The following ABCC9 variants were observed in gnomAD, a reference collection of about 807,000 sequenced individuals.
The protein encoded by ABCC9 is ATP binding cassette subfamily C member 9, also known as ATP-binding cassette sub-family C member 9.
A neutral mutation model predicts 188.3 loss-of-function variants in ABCC9; 95 were observed. The ratio of observed to expected loss-of-function variants is 0.50; its 90% confidence interval spans 0.43 to 0.60. ABCC9 has a LOEUF of 0.60. Among genes scored for constraint, ABCC9 ranks in the 20% least tolerant of loss-of-function variants. The pLI, the probability that ABCC9 is intolerant of heterozygous loss-of-function variation, is 0.00. For missense variants in ABCC9, 1,102 were observed against 1,876.3 expected (o/e 0.59, Z 7.62); for synonymous variants, 659 against 652.7 (o/e 1.01, Z -0.15).
chr12:21,915,215 TTA>T (rs557990317), intron 7 of ABCC9, among the ~76,000 whole-genome samples: 2,702 of 134,640 alleles, frequency 0.02, 95 homozygotes, highest in African/African-American at 0.073. Flanking sequence ...CTTTGTGTCT[TTA>T]TATATATATG....
chr12:21,870,222 T>C (rs950034459), intron 18 of ABCC9, among the ~76,000 whole-genome samples: 1 of 152,140 alleles, frequency 6.6e-6, no homozygotes, highest in African/African-American at 2.4e-5. Flanking sequence ...TTTTATTGAC[T>C]TTTTATAAGG....
intron 12 of ABCC9, among the ~76,000 whole-genome samples, chr12:21,896,098 T>A (rs1226891558): frequency 3.0e-4 from 10 of 33,680 alleles, no homozygotes; most frequent in South Asian, 9.9e-4. Context: ...TTTTTTTTTT[T>A]ACTTTTCTTT....
At position 21,895,280 on chromosome 12, in the gene ABCC9, GA is replaced by G; in HGVS notation, c.1653del (p.Ala553LeufsTer4). Reference protein sequence around the residue: ...FMNAAIPIAAVLATFVTHAYA... With the variant: ...FMNAAIPIAAXLATFVTHAYA... ...AGAGAGAAAAAGTGTCTTACAGCAA[GA>G]ACAGCTGCTATGGGAATTGCTGCAT... On this transcript the variant is annotated frameshift_variant, in exon 13 of 40. Transcript: ENST00000261200. LOFTEE classifies it high-confidence loss of function. The G allele has an allele frequency of 6.2e-7, 1 of 1,613,400 alleles. No homozygotes were observed. The highest frequency in any genetic ancestry group is 8.5e-7 in the Non-Finnish European group (1 of 1,179,402).
At chr12:21,849,796 G>T (rs1438849407) in intron 24 of ABCC9, among the ~76,000 whole-genome samples, 1 of 152,194 alleles carries the variant, frequency 6.6e-6, no homozygotes, top group African/African-American at 2.4e-5. Context: ...AGAGAGGGAA[G>T]TGAGGAGTGT....
chr12:21,800,754 A>G lies in ABCC9; in HGVS notation c.*290T>C. 1 of 390,280 alleles carries G rather than the reference A, an allele frequency of 2.6e-6. No individual in the cohort carries two copies. The highest frequency in any genetic ancestry group is 4.8e-6 in the Non-Finnish European group (1 of 210,356). The allele number at this position is 390,280 out of a possible 1,614,324, so 24.2% of individuals were successfully genotyped here. A position where few individuals can be genotyped will look rare whatever the true frequency, so the allele number is the denominator to read the frequency against. On this transcript the variant is annotated 3_prime_UTR_variant, in exon 40 of 40. Coordinates refer to ENST00000261200, the MANE Select transcript of ABCC9 (RefSeq NM_020297.4). ...GATATTTACCAGACTTAAAGTTAGG[A>G]GAAAACTTTAGCTATTGATTTATCA...
At chr12:21,933,074 T>G (rs1949351038) in intron 4 of ABCC9, among the ~76,000 whole-genome samples, 2 of 139,268 alleles carry the variant, frequency 1.4e-5, no homozygotes, top group Admixed American at 7.4e-5. Context: ...GATAATTTCC[T>G]TTGCAGGGAC....
intron 24 of ABCC9, among the ~76,000 whole-genome samples, chr12:21,849,126 C>A (rs1944834324): frequency 6.6e-6 from 1 of 151,998 alleles, no homozygotes; most frequent in Non-Finnish European, 1.5e-5. Context: ...AACAACTAAC[C>A]CACACATTTT....
chr12:21,847,553 G>T (rs1944740885), intron 25 of ABCC9, among the ~76,000 whole-genome samples: 1 of 152,012 alleles, frequency 6.6e-6, no homozygotes, highest in Non-Finnish European at 1.5e-5. Flanking sequence ...TTAAAAGGTG[G>T]TTTATCTCAC....
At chr12:21,915,494 G>A (rs1164183479) in intron 7 of ABCC9, among the ~76,000 whole-genome samples, 174 bp downstream of exon 7, 105 of 9,670 alleles carry the variant, frequency 0.011, 13 homozygotes, top group East Asian at 0.041. Flanking sequence ...GTGTGTGTGT[G>A]TGTGTGTATA....
At chr12:21,915,965 T>C in intron 6 of ABCC9, 55 bp from the exon 7 acceptor site, 1 of 1,548,274 alleles carries the variant, frequency 6.5e-7, no homozygotes, top group South Asian at 1.2e-5. Context: ...TTTCCACATA[T>C]TAAAAATAAA....
chr12:21,841,687 C>T (rs1944404851), intron 29 of ABCC9, among the ~76,000 whole-genome samples: 1 of 151,918 alleles, frequency 6.6e-6, no homozygotes, highest in Admixed American at 6.6e-5. Flanking sequence ...CTATCAATGT[C>T]ATGTTCAGAA....
At chr12:21,843,600 A>G (rs572007959) in intron 28 of ABCC9, among the ~76,000 whole-genome samples, 4 of 152,240 alleles carry the variant, frequency 2.6e-5, no homozygotes, top group Non-Finnish European at 4.4e-5. Flanking sequence ...TTTTCATATG[A>G]TATATCTTAT....
chr12:21,829,191 CTTTTTTTTTTTTTT>C (rs11430045), intron 30 of ABCC9, 131 bp from the exon 31 acceptor site: 31 of 230,714 alleles, frequency 1.3e-4, no homozygotes, highest in Non-Finnish European at 2.1e-4. Flanking sequence ...AAATAGATTT[CTTTTTTTTTTTTTT>C]TTTTTTTTTT....
At chr12:21,926,846 A>G (rs113861602) in intron 4 of ABCC9, among the ~76,000 whole-genome samples, 17 of 152,316 alleles carry the variant, frequency 1.1e-4, no homozygotes, top group African/African-American at 3.8e-4. Flanking sequence ...TCACCAGGTG[A>G]CCCAGTGATT....
At chr12:21,803,813 C>T (rs974510212) in intron 39 of ABCC9, among the ~76,000 whole-genome samples, 4 of 152,056 alleles carry the variant, frequency 2.6e-5, no homozygotes, top group African/African-American at 7.2e-5. Context: ...AGAAATTAAT[C>T]GTGTAATCAC....
At chr12:21,929,233 AT>A (rs1404050735) in intron 4 of ABCC9, among the ~76,000 whole-genome samples, 2 of 151,994 alleles carry the variant, frequency 1.3e-5, no homozygotes, top group African/African-American at 4.8e-5. Context: ...TATTTATAAA[AT>A]AATGAAGTAT....
At chr12:21,870,085 C>T (rs1945989383) in intron 18 of ABCC9, among the ~76,000 whole-genome samples, 1 of 152,042 alleles carries the variant, frequency 6.6e-6, no homozygotes, top group Non-Finnish European at 1.5e-5. Context: ...CCCTCTAAAC[C>T]TTCACATAAC....
intron 5 of ABCC9, among the ~76,000 whole-genome samples, chr12:21,919,978 T>A (rs1948741298): frequency 6.6e-6 from 1 of 152,010 alleles, no homozygotes; most frequent in Non-Finnish European, 1.5e-5. Flanking sequence ...TTTAGCATAC[T>A]AACAGAAATA....
intron 39 of ABCC9, among the ~76,000 whole-genome samples, chr12:21,801,643 A>T (rs1464053286): frequency 6.6e-6 from 1 of 152,230 alleles, no homozygotes; most frequent in Non-Finnish European, 1.5e-5. Flanking sequence ...GGGGAAGTCC[A>T]TTCTGGCATG....
Sources: allele counts gnomAD v4.1 joint callset (sites outside exome capture counted in the v4.1 genomes callset), GRCh38; gene constraint gnomAD v4.1.1; transcripts MANE v1.5; gene names NCBI Gene and HGNC (gene_info 2026-07-23, HGNC 2026-07-21).